The following TCF4 variants were observed in gnomAD, a reference collection of about 807,000 sequenced individuals.
TCF4 encodes SL3-3 enhancer factor 2.
A neutral mutation model predicts 82.1 loss-of-function variants in TCF4; 3 were observed. That is an observed-to-expected ratio of 0.04 (90% CI 0.02 to 0.09). The LOEUF is 0.09. Among genes scored for constraint, TCF4 ranks in the 10% least tolerant of loss-of-function variants. The pLI is 1.00. For missense variants in TCF4, 518 were observed against 852.7 expected, an observed-to-expected ratio of 0.61 and a Z score of 4.89; for synonymous variants, 276 against 309.6, an observed-to-expected ratio of 0.89 and a Z score of 1.14.
upstream of TCF4, among the ~76,000 whole-genome samples, chr18:55,589,107 AAC>A (rs906541761): frequency 1.3e-5 from 2 of 152,174 alleles, no homozygotes; most frequent in Admixed American, 6.5e-5. Flanking sequence ...TGAAAAAAAA[AAC>A]ACACATTCTA....
rs1423442265 is a variant in TCF4 at position 55,446,722 on chromosome 18, C to T, written c.304+14297G>A. On this transcript the variant is annotated intron_variant, in intron 5 of 19. Coordinates refer to ENST00000354452, the MANE Select transcript of TCF4 (RefSeq NM_001083962.2). ...TAGCCAGGCCAGGCGCGGTGACTCA[C>T]GCCTGTAATCCCAGTACTTTGGGAG... is the stretch of plus-strand genomic sequence containing the variant. Among the ~76,000 whole-genome samples the T allele has an allele frequency of 9.9e-5, 15 of 152,262 alleles. No homozygotes were observed. The East Asian group carries it at 1.9e-3, about 20-fold the overall frequency.
chr18:55,513,882 G>C (rs1029485624), intron 3 of TCF4, among the ~76,000 whole-genome samples: 6 of 152,090 alleles, frequency 3.9e-5, no homozygotes, highest in Admixed American at 2.0e-4. Flanking sequence ...TAAAGTTTGA[G>C]GCCAGACAGC....
chr18:55,507,138 C>T (rs1433547852), intron 3 of TCF4, among the ~76,000 whole-genome samples: 1 of 152,232 alleles, frequency 6.6e-6, no homozygotes, highest in Non-Finnish European at 1.5e-5. Context: ...GCTGGGATTA[C>T]AGGCATGAGC....
chr18:55,567,337 A>C (rs1363700172), intron 3 of TCF4, among the ~76,000 whole-genome samples: 1 of 152,234 alleles, frequency 6.6e-6, no homozygotes, highest in African/African-American at 2.4e-5. Context: ...AATATGTATA[A>C]AGTCAAAATA....
intron 3 of TCF4, among the ~76,000 whole-genome samples, chr18:55,500,636 C>T (rs924279792): frequency 1.3e-5 from 2 of 152,102 alleles, no homozygotes; most frequent in African/African-American, 2.4e-5. Flanking sequence ...TGTTTTTAAG[C>T]GCTATCAGCC....
Position 55,269,882 on chromosome 18 carries a change from A to C in TCF4, c.871T>G (p.Tyr291Asp), listed in dbSNP as rs2059981400. The change falls in exon 11 of 20, where the codon TAC becomes GAC. Residue 291 changes from tyrosine (Y) to aspartate (D), a missense_variant. Around this residue, in one of 7 missense-constraint regions of TCF4, gnomAD observed 211 missense variants for 327.4 expected, o/e 0.64. Transcript: ENST00000354452. ...GGAGGCGTACAGGAAGAGGTGCTGTAATGGTTTGTACCACTACGATGGAAA... is the reference window on the plus strand; with the variant it reads ...GGAGGCGTACAGGAAGAGGTGCTGTCATGGTTTGTACCACTACGATGGAAA... Reference protein sequence around the residue: ...STFHRSGTNHYSTSSCTPPAN... With the variant: ...STFHRSGTNHDSTSSCTPPAN... The C allele has an allele frequency of 1.2e-6, 2 of 1,613,224 alleles. No individual in the cohort carries two copies. Among genetic ancestry groups the C allele is most frequent in the Non-Finnish European group, 1.7e-6 (2 of 1,179,520 alleles).
chr18:55,369,713 T>C (rs773080775), intron 6 of TCF4, among the ~76,000 whole-genome samples: 2 of 152,104 alleles, frequency 1.3e-5, no homozygotes, highest in Non-Finnish European at 1.5e-5. Context: ...AAAAAGTTGT[T>C]GGGGGGCGCA....
chr18:55,239,988 G>A (rs983139955), intron 15 of TCF4, among the ~76,000 whole-genome samples: 1 of 152,196 alleles, frequency 6.6e-6, no homozygotes, highest in Non-Finnish European at 1.5e-5. Flanking sequence ...TATCTCCAGA[G>A]ATAACTGCTT....
At chr18:55,612,954 T>A (rs189808172) in intron 2 of TCF4, among the ~76,000 whole-genome samples, 116 of 152,080 alleles carry the variant, frequency 7.6e-4, no homozygotes, top group East Asian at 1.9e-4. Flanking sequence ...TCTCAAAAAA[T>A]ATATATATAT....
At chr18:55,499,211 C>T (rs1161034033) in intron 3 of TCF4, among the ~76,000 whole-genome samples, 5 of 152,160 alleles carry the variant, frequency 3.3e-5, no homozygotes. Flanking sequence ...TGCTAAACTG[C>T]AATTTTGTTC....
chr18:55,302,473 T>C lies in TCF4; in HGVS notation c.550-22817A>G, dbSNP rs1207625017. ...GCCCTGTATCTGAGCATCTGCATTG[T>C]TTAAATTTCATCCTGTGGTGTTGTT... On this transcript the variant is annotated intron_variant, in intron 8 of 19. Transcript: ENST00000354452. 5.9e-6 allele frequency: 9 copies of C among 1,536,222 alleles called. No individual in the cohort carries two copies. In the Admixed American group the frequency reaches 1.8e-4, roughly 30 times the overall value.
At chr18:55,419,352 G>C (rs1264016270) in intron 5 of TCF4, among the ~76,000 whole-genome samples, 2 of 152,188 alleles carry the variant, frequency 1.3e-5, no homozygotes, top group African/African-American at 4.8e-5. Flanking sequence ...AAAATCTACA[G>C]TAGAGGGAAA....
At chr18:55,571,160 A>C (rs192144102) in intron 3 of TCF4, among the ~76,000 whole-genome samples, 1 of 152,350 alleles carries the variant, frequency 6.6e-6, no homozygotes, top group East Asian at 1.9e-4. Context: ...AGTTCCAAAA[A>C]AGAGGAACAC....
chr18:55,390,286 TAAAAAAAAAA>T (rs56965997), intron 6 of TCF4, among the ~76,000 whole-genome samples: 4 of 82,236 alleles, frequency 4.9e-5, no homozygotes, highest in Admixed American at 1.4e-4. Flanking sequence ...CCCTGACTCT[TAAAAAAAAAA>T]AAAAAAAAAA....
At chr18:55,501,362 A>G (rs547905357) in intron 3 of TCF4, among the ~76,000 whole-genome samples, 2 of 152,328 alleles carry the variant, frequency 1.3e-5, no homozygotes, top group African/African-American at 4.8e-5. Context: ...AGGCCATAAC[A>G]ATATATTTTA....
intron 15 of TCF4, among the ~76,000 whole-genome samples, chr18:55,239,763 T>G (rs903646555): frequency 2.6e-5 from 4 of 152,236 alleles, no homozygotes; most frequent in African/African-American, 7.2e-5. Context: ...GCTGTTTTTA[T>G]ATGGAGATGC....
intron 3 of TCF4, among the ~76,000 whole-genome samples, chr18:55,494,817 AAAAGG>A (rs2096615692): frequency 6.6e-6 from 1 of 152,142 alleles, no homozygotes; most frequent in Non-Finnish European, 1.5e-5. Context: ...ATAAATCTTG[AAAAGG>A]AAAGAGATAA....
At position 55,406,680 on chromosome 18, in the gene TCF4, T is replaced by C. The variant is rs930052923; in HGVS notation, c.305-3162A>G. Among the ~76,000 whole-genome samples, 6 of 152,324 alleles carry C rather than the reference T, an allele frequency of 3.9e-5. No individual in the cohort carries two copies. In the Middle Eastern group the frequency reaches 0.01, roughly 259 times the overall value. ...GTCAGGCATGGATTTTTGTCACTTA[T>C]ACCAACTGGCTGGCGCGGACAGCCT... On this transcript the variant is annotated intron_variant, in intron 5 of 19. Coordinates refer to ENST00000354452, the MANE Select transcript of TCF4 (RefSeq NM_001083962.2).
chr18:55,304,573 C>T (rs1314288876), intron 8 of TCF4, among the ~76,000 whole-genome samples: 2 of 152,180 alleles, frequency 1.3e-5, no homozygotes, highest in Non-Finnish European at 1.5e-5. Flanking sequence ...GATCCATTTA[C>T]GATTGCATGA....
Sources: gnomAD v4.1 joint callset for allele counts (sites outside exome capture counted in the v4.1 genomes callset) on GRCh38, gnomAD v4.1.1 for gene constraint, gnomAD v4.1.1 regional missense constraint, MANE v1.5 for transcripts, NCBI Gene and HGNC (gene_info 2026-07-23, HGNC 2026-07-21) for gene names.